Variants in SEMA3E observed in about 807,000 individuals in gnomAD.
SEMA3E encodes semaphorin 3E.
SEMA3E carries 49 observed loss-of-function variants against 93.6 expected under a neutral mutation model. The ratio of observed to expected loss-of-function variants is 0.52; its 90% CI spans 0.42 to 0.66. The LOEUF (loss-of-function observed/expected upper bound fraction) is 0.66. Among genes scored for constraint, SEMA3E ranks in the 30% least tolerant of loss-of-function variants. The pLI is 0.00. For missense variants in SEMA3E, 906 were observed against 964.8 expected (o/e 0.94, Z 0.81); for synonymous variants, 363 against 330.7 (o/e 1.10, Z -1.06).
chr7:83,413,058 A>G (rs1788473070), intron 5 of SEMA3E, among the ~76,000 whole-genome samples: 1 of 152,188 alleles, frequency 6.6e-6, no homozygotes, highest in Non-Finnish European at 1.5e-5. Context: ...GACTCTTTGA[A>G]ATAGATAAAA....
intron 4 of SEMA3E, among the ~76,000 whole-genome samples, chr7:83,445,456 G>A (rs1266527010): frequency 1.3e-5 from 2 of 152,168 alleles, no homozygotes; most frequent in East Asian, 1.9e-4. Context: ...GGTGGCTCAC[G>A]CCTGTAATCC....
chr7:83,570,538 G>A (rs1446100031), intron 1 of SEMA3E, among the ~76,000 whole-genome samples: 65 of 83,438 alleles, frequency 7.8e-4, no homozygotes, highest in African/African-American at 4.8e-3. Flanking sequence ...GGGCGACAGA[G>A]CGAGACTCCG....
chr7:83,466,700 A>G (rs1789767348), intron 3 of SEMA3E, 99 bp from the exon 4 acceptor site: 1 of 1,460,560 alleles, frequency 6.8e-7, no homozygotes, highest in Admixed American at 1.8e-5. Flanking sequence ...CTCATGTTTT[A>G]CCGTAAATCT....
intron 1 of SEMA3E, among the ~76,000 whole-genome samples, chr7:83,619,248 A>T (rs1033105595): frequency 1.3e-5 from 2 of 151,828 alleles, no homozygotes; most frequent in African/African-American, 2.4e-5. Context: ...CAGAAAAAAA[A>T]TTCTTTGATT....
chr7:83,631,325 A>G (rs941188279), intron 1 of SEMA3E, among the ~76,000 whole-genome samples: 3 of 152,196 alleles, frequency 2.0e-5, no homozygotes, highest in African/African-American at 4.8e-5. Context: ...ATTGGTCTAC[A>G]TCATCCAGGG....
chr7:83,585,373 A>G (rs565196143), intron 1 of SEMA3E, among the ~76,000 whole-genome samples: 1 of 152,308 alleles, frequency 6.6e-6, no homozygotes, highest in East Asian at 1.9e-4. Flanking sequence ...AAGAAGGGCC[A>G]GCATTTTCTT....
chr7:83,596,448 C>T (rs1417261670), intron 1 of SEMA3E, among the ~76,000 whole-genome samples: 2 of 151,930 alleles, frequency 1.3e-5, no homozygotes, highest in African/African-American at 4.8e-5. Flanking sequence ...AGAAAGGAGA[C>T]ATATGTATGT....
At chr7:83,417,626 T>C (rs1788580065) in intron 5 of SEMA3E, among the ~76,000 whole-genome samples, 1 of 152,114 alleles carries the variant, frequency 6.6e-6, no homozygotes, top group Admixed American at 6.6e-5. Context: ...AGTACCTATG[T>C]CAGTGTTGGG....
At chr7:83,500,588 TCC>T (rs1790578947) in intron 1 of SEMA3E, among the ~76,000 whole-genome samples, 1 of 101,202 alleles carries the variant, frequency 9.9e-6, no homozygotes, top group African/African-American at 3.7e-5. Flanking sequence ...CTAACTTTCT[TCC>T]TTTTTTTTTT....
chr7:83,457,719 G>GTCAATCAAATACTCTGT (rs1789517458), intron 4 of SEMA3E, among the ~76,000 whole-genome samples: 1 of 152,006 alleles, frequency 6.6e-6, no homozygotes, highest in Non-Finnish European at 1.5e-5. Flanking sequence ...TGAATGTCTT[G>GTCAATCAAATACTCTGT]TCAATCAAAT....
intron 2 of SEMA3E, among the ~76,000 whole-genome samples, chr7:83,474,086 T>A (rs1789958673): frequency 7.2e-6 from 1 of 138,458 alleles, no homozygotes; most frequent in Non-Finnish European, 1.5e-5. Flanking sequence ...AGTGAGACTC[T>A]ATCTCAATTA....
At chr7:83,540,003 C>T (rs1454015598) in intron 1 of SEMA3E, among the ~76,000 whole-genome samples, 1 of 151,986 alleles carries the variant, frequency 6.6e-6, no homozygotes, top group African/African-American at 2.4e-5. Context: ...GCCTCAGTCT[C>T]CCAAGTAGCT....
At chr7:83,392,802 C>T in intron 13 of SEMA3E, 81 bp from the exon 14 acceptor site, 2 of 1,297,468 alleles carry the variant, frequency 1.5e-6, no homozygotes, top group Non-Finnish European at 2.2e-6. Flanking sequence ...CACATTTATA[C>T]ACAATCACCT....
chr7:83,595,637 A>G (rs997436929), intron 1 of SEMA3E, among the ~76,000 whole-genome samples: 1 of 151,966 alleles, frequency 6.6e-6, no homozygotes, highest in Middle Eastern at 3.2e-3. Context: ...GCCTTTCATG[A>G]TCTTGATACT....
chr7:83,564,690 C>T lies in SEMA3E; in HGVS notation c.116-74416G>A, dbSNP rs189569524. 3.3e-5 allele frequency among the ~76,000 whole-genome samples: 5 copies of T among 152,108 alleles called. No individual in the cohort carries two copies. The East Asian group carries it at 9.7e-4, about 29-fold the overall frequency. On this transcript the variant is annotated intron_variant, in intron 1 of 16. Transcript: ENST00000643230. ...AGTAGAAACTTATCTGTTTTTTTAA[C>T]TTCTATAACTTTAACACCTGACTTG... is the stretch of plus-strand genomic sequence containing the variant.
chr7:83,627,677 T>C (rs1793700179), intron 1 of SEMA3E, among the ~76,000 whole-genome samples: 1 of 144,452 alleles, frequency 6.9e-6, no homozygotes, highest in Admixed American at 6.9e-5. Context: ...TGGTAAATCT[T>C]CCTACAACCC....
At chr7:83,446,496 A>T (rs553083447) in intron 4 of SEMA3E, among the ~76,000 whole-genome samples, 1 of 152,326 alleles carries the variant, frequency 6.6e-6, no homozygotes, top group Non-Finnish European at 1.5e-5. Flanking sequence ...CCTGTGTCAG[A>T]AAAAAGCAAA....
intron 1 of SEMA3E, among the ~76,000 whole-genome samples, chr7:83,585,603 C>T: frequency 6.6e-6 from 1 of 152,156 alleles, no homozygotes; most frequent in Non-Finnish European, 1.5e-5. Context: ...TAAATCAGCT[C>T]CTTCTGAATT....
intron 1 of SEMA3E, among the ~76,000 whole-genome samples, chr7:83,519,627 T>C (rs1406332596): frequency 2.0e-5 from 3 of 152,270 alleles, no homozygotes; most frequent in East Asian, 3.9e-4. Flanking sequence ...ACTGCTGCTA[T>C]GAGTATCATA....
Sources: allele counts gnomAD v4.1 joint callset (sites outside exome capture counted in the v4.1 genomes callset), GRCh38; gene constraint gnomAD v4.1.1; transcripts MANE v1.5; gene names NCBI Gene and HGNC (gene_info 2026-07-23, HGNC 2026-07-21).